Variants in CELF2 observed in about 807,000 individuals in gnomAD.
CELF2 encodes the protein CUGBP Elav-like family member 2.
A neutral mutation model predicts 62.6 loss-of-function variants in CELF2; 8 were observed. That is an observed-to-expected ratio of 0.13 (90% CI 0.07 to 0.23). The LOEUF (loss-of-function observed/expected upper bound fraction) is 0.23. Among genes scored for constraint, CELF2 ranks in the 10% least tolerant of loss-of-function variants. The pLI is 1.00. For missense variants in CELF2, 333 were observed against 671.0 expected (o/e 0.50, Z 5.56); for synonymous variants, 258 against 250.0 (o/e 1.03, Z -0.30).
At chr10:10,992,013 T>C (rs1282528113) in intron 2 of CELF2, among the ~76,000 whole-genome samples, 4 of 152,184 alleles carry the variant, frequency 2.6e-5, no homozygotes, top group East Asian at 1.9e-4. Context: ...GGTACCTTAA[T>C]AGGCATTGGG....
chr10:10,662,454 G>A, the CELF2 span, among the ~76,000 whole-genome samples: 2 of 152,160 alleles, frequency 1.3e-5, no homozygotes, highest in Non-Finnish European at 2.9e-5. Flanking sequence ...AACGCAAGCT[G>A]AGATCCTCCA....
At chr10:10,667,694 G>A in the CELF2 span, among the ~76,000 whole-genome samples, 33,933 of 151,964 alleles carry the variant, frequency 0.22, 3,996 homozygotes, top group South Asian at 0.44. Context: ...GCCTCTCTGC[G>A]CACACAAATA....
chr10:11,180,388 C>T (rs1030202635), intron 2 of CELF2, among the ~76,000 whole-genome samples: 3 of 152,198 alleles, frequency 2.0e-5, no homozygotes, highest in Non-Finnish European at 4.4e-5. Context: ...GACTTCCCCA[C>T]GCCTCTGCTT....
chr10:10,653,738 A>T, the CELF2 span, among the ~76,000 whole-genome samples: 1 of 148,918 alleles, frequency 6.7e-6, no homozygotes, highest in South Asian at 2.4e-4. Context: ...GGAAATTTAT[A>T]GCACTAAAGG....
At chr10:10,699,623 G>A in the CELF2 span, among the ~76,000 whole-genome samples, 1 of 152,174 alleles carries the variant, frequency 6.6e-6, no homozygotes, top group Non-Finnish European at 1.5e-5. Flanking sequence ...GACGGGTGAG[G>A]AAGCACCTCG....
At chr10:11,051,271 C>G (rs1028160098) in intron 1 of CELF2, among the ~76,000 whole-genome samples, 2 of 152,206 alleles carry the variant, frequency 1.3e-5, no homozygotes, top group Non-Finnish European at 2.9e-5. Flanking sequence ...GATACAGATG[C>G]TATCTTGAAA....
chr10:10,588,546 A>G, the CELF2 span, among the ~76,000 whole-genome samples: 2 of 152,162 alleles, frequency 1.3e-5, no homozygotes, highest in Non-Finnish European at 1.5e-5. Context: ...TTTACCTCAG[A>G]GCAGCCATGC....
chr10:10,546,050 C>T, the CELF2 span, among the ~76,000 whole-genome samples: 7 of 152,186 alleles, frequency 4.6e-5, no homozygotes, highest in South Asian at 4.1e-4. Flanking sequence ...TATAGGACGA[C>T]GCTGACAACA....
intron 1 of CELF2, among the ~76,000 whole-genome samples, chr10:11,044,387 C>T (rs946331750): frequency 6.6e-5 from 10 of 152,150 alleles, no homozygotes; most frequent in South Asian, 2.1e-4. Flanking sequence ...ATTTTATTCT[C>T]CCTTTTGGCA....
the CELF2 span, among the ~76,000 whole-genome samples, chr10:10,735,880 G>C: frequency 6.6e-6 from 1 of 152,106 alleles, no homozygotes; most frequent in Non-Finnish European, 1.5e-5. Context: ...TTCTGAATGT[G>C]AGCACCATGA....
chr10:11,216,184 A>G (rs994145276), intron 2 of CELF2, among the ~76,000 whole-genome samples: 5 of 152,218 alleles, frequency 3.3e-5, no homozygotes, highest in African/African-American at 4.8e-5. Context: ...GGTTTTGTAT[A>G]TATTGACTGT....
chr10:11,073,897 G>A (rs1032252191), intron 1 of CELF2, among the ~76,000 whole-genome samples: 2 of 152,192 alleles, frequency 1.3e-5, no homozygotes, highest in Non-Finnish European at 2.9e-5. Flanking sequence ...TTTTTAAATA[G>A]TTTTCATACT....
chr10:10,736,385 TTTCTTTCTTTC>T, the CELF2 span, among the ~76,000 whole-genome samples: 13 of 85,358 alleles, frequency 1.5e-4, no homozygotes, highest in African/African-American at 5.1e-4. Context: ...TCTTTCTTTC[TTTCTTTCTTTC>T]TTTTTTTTTT....
intron 9 of CELF2, among the ~76,000 whole-genome samples, chr10:11,289,080 A>G (rs1354894272): frequency 1.3e-5 from 2 of 152,044 alleles, no homozygotes; most frequent in Non-Finnish European, 2.9e-5. Context: ...TTTCTTCACA[A>G]ATTTTGTTGC....
At chr10:11,009,788 T>C (rs1277874866) in intron 1 of CELF2, among the ~76,000 whole-genome samples, 1 of 152,218 alleles carries the variant, frequency 6.6e-6, no homozygotes, top group Non-Finnish European at 1.5e-5. Context: ...CCTGCAAGAC[T>C]ATTTAGTTCC....
Position 10,936,986 on chromosome 10 carries a change from G to A in CELF2, c.89+16987G>A, listed in dbSNP as rs1019554253. Among the ~76,000 whole-genome samples the A allele has an allele frequency of 3.3e-5, 5 of 152,112 alleles. No individual in the cohort carries two copies. Among genetic ancestry groups the A allele is most frequent in the Admixed American group, 2.0e-4 (3 of 15,266 alleles). ...AGTCCCATCTTTGAAAGAAGTAACC[G>A]ACACTTGCCAAGTCTCTCATCCGGA... is the stretch of plus-strand genomic sequence containing the variant. On this transcript the variant is annotated intron_variant, in intron 2 of 13. Coordinates refer to the CELF2 transcript ENST00000636488. The surrounding 1 kb of genome is among the most constrained non-coding windows in gnomAD (Gnocchi z 4.0).
rs934981791 is a variant in CELF2 at position 10,938,160 on chromosome 10, T to G, written c.89+18161T>G. ...AATCATAGAAAACTAATCACTTTAG[T>G]GAAAAGCCAGCTGTTCTTTGTTTTC... On this transcript the variant is annotated intron_variant, in intron 2 of 13. Coordinates refer to the CELF2 transcript ENST00000636488. The surrounding 1 kb of genome is among the most constrained non-coding windows in gnomAD (Gnocchi z 4.2). 5.3e-5 allele frequency among the ~76,000 whole-genome samples: 8 copies of G among 152,218 alleles called. No individual in the cohort carries two copies. Among genetic ancestry groups the G allele is most frequent in the African/African-American group, 1.9e-4 (8 of 41,470 alleles).
rs923245885 is a variant in CELF2 at position 11,315,336 on chromosome 10, G to C, written c.1096+1078G>C. Among the ~76,000 whole-genome samples the C allele has an allele frequency of 5.3e-5, 8 of 152,164 alleles. No individual in the cohort carries two copies. The highest frequency in any genetic ancestry group is 1.9e-4 in the African/African-American group (8 of 41,430). On this transcript the variant is annotated intron_variant, in intron 10 of 12. Transcript: ENST00000633077. This position sits in a 1 kb window ranked among gnomAD's most constrained non-coding sequence, Gnocchi z 5.8. ...GCCCATTCTCATTTTTAATAAAGGAGTCCGTGACAGTTGTTGCCCTATTTT... is the reference window on the plus strand; with the variant it reads ...GCCCATTCTCATTTTTAATAAAGGACTCCGTGACAGTTGTTGCCCTATTTT...
At chr10:10,597,411 A>G in the CELF2 span, among the ~76,000 whole-genome samples, 1 of 152,230 alleles carries the variant, frequency 6.6e-6, no homozygotes, top group African/African-American at 2.4e-5. Flanking sequence ...CAGTAAATTC[A>G]AGCAGCACAT....
Sources: gnomAD v4.1 joint callset for allele counts (sites outside exome capture counted in the v4.1 genomes callset) on GRCh38, gnomAD v4.1.1 for gene constraint, Gnocchi (gnomAD v3.1) non-coding constraint, MANE v1.5 for transcripts, NCBI Gene and HGNC (gene_info 2026-07-23, HGNC 2026-07-21) for gene names.